Variants in DST observed in about 807,000 individuals in gnomAD.
DST encodes bullous pemphigoid antigen.
DST carries 253 observed loss-of-function variants against 875.2 expected under a neutral mutation model. The observed-to-expected ratio is 0.29, with a 90% CI of 0.26 to 0.32. The LOEUF is 0.32. Among genes scored for constraint, DST ranks in the 10% least tolerant of loss-of-function variants. DST has a pLI of 1.00. For synonymous variants in DST, 3,124 were observed against 3,197.1 expected (o/e 0.98, Z 0.77); for missense variants, 8,287 against 9,111.6 (o/e 0.91, Z 3.68).
At chr6:56,699,580 C>A in intron 9 of DST, 73 bp downstream of exon 9, 1 of 671,690 alleles carries the variant, frequency 1.5e-6, no homozygotes, top group African/African-American at 1.9e-5. Flanking sequence ...AACATGAATG[C>A]ATCATTCACC....
intron 7 of DST, among the ~76,000 whole-genome samples, chr6:56,702,415 A>T (rs1393198377): frequency 1.3e-5 from 2 of 152,120 alleles, no homozygotes; most frequent in East Asian, 1.9e-4. Flanking sequence ...ATATATATAC[A>T]TATGGCATAT....
intron 4 of DST, among the ~76,000 whole-genome samples, chr6:56,819,910 T>C (rs1591125996): frequency 1.3e-5 from 2 of 152,238 alleles, no homozygotes; most frequent in South Asian, 4.1e-4. Context: ...ATATTAAGGA[T>C]AGTAACATTT....
intron 58 of DST, among the ~76,000 whole-genome samples, chr6:56,558,639 C>G (rs974641016): frequency 2.6e-5 from 4 of 152,098 alleles, no homozygotes; most frequent in Non-Finnish European, 5.9e-5. Flanking sequence ...AAAAATGTCA[C>G]TTTTAAAACT....
At chr6:56,502,241 A>T (rs1296627309) in intron 78 of DST, among the ~76,000 whole-genome samples, 1 of 152,128 alleles carries the variant, frequency 6.6e-6, no homozygotes, top group Non-Finnish European at 1.5e-5. Flanking sequence ...TAAGTCACTG[A>T]CATAGTTAAT....
At chr6:56,934,578 ATATATATATATC>A (rs933074320) in intron 2 of DST, among the ~76,000 whole-genome samples, 2 of 139,206 alleles carry the variant, frequency 1.4e-5, no homozygotes, top group Non-Finnish European at 3.1e-5. Context: ...ATATATATAT[ATATATATATATC>A]GTGAGAGAGA....
intron 13 of DST, among the ~76,000 whole-genome samples, chr6:56,647,630 A>G (rs1188169012): frequency 1.3e-5 from 2 of 152,032 alleles, no homozygotes; most frequent in African/African-American, 4.8e-5. Context: ...AACCAAATAT[A>G]CAAATGAGAC....
In DST at chr6:56,529,754, G is replaced by T. The variant is rs1460201714; in HGVS notation, c.17289C>A (p.Ile5763=). Residue 5763 remains isoleucine (I), a synonymous_variant, in exon 66 of 104, where the codon ATC becomes ATA. Coordinates refer to ENST00000680361, the MANE Select transcript of DST (RefSeq NM_001374736.1). ...CCTGGTGTAAATGTTTATTGTGATTGATGATGTCATCTTCTAAGGCCTAAG... is the reference window on the plus strand; with the variant it reads ...CCTGGTGTAAATGTTTATTGTGATTTATGATGTCATCTTCTAAGGCCTAAG... ...AQHKALEDDI[I]NHNKHLHQAV... 1.3e-6 allele frequency: 2 copies of T among 1,585,648 alleles called. 1 individual carries two copies. The highest frequency in any genetic ancestry group is 2.7e-5 in the African/African-American group (2 of 73,826).
intron 4 of DST, among the ~76,000 whole-genome samples, chr6:56,744,206 G>A (rs1242016961): frequency 2.0e-5 from 3 of 150,730 alleles, no homozygotes; most frequent in Non-Finnish European, 4.4e-5. Context: ...GGAATCCACA[G>A]AAGATGGAAT....
In DST at chr6:56,529,643, T is replaced by C; in HGVS notation, c.17400A>G (p.Val5800=). Residue 5800 remains valine, a synonymous_variant, in exon 66 of 104, where the codon GTA becomes GTG. Coordinates refer to ENST00000680361, the MANE Select transcript of DST (RefSeq NM_001374736.1). ...MVQSKLDFSQ[V]WYIEIQEKSH... ...TTTTCTCTTGAATCTCAATGTACCA[T>C]ACTTGAGAGAAGTCTAATTTACTCT... The C allele has an allele frequency of 6.2e-7, 1 of 1,613,798 alleles. No individual in the cohort carries two copies. Among genetic ancestry groups the C allele is most frequent in the Non-Finnish European group, 8.5e-7 (1 of 1,179,744 alleles).
chr6:56,490,760 C>T (rs568072662), intron 85 of DST, among the ~76,000 whole-genome samples: 1 of 152,088 alleles, frequency 6.6e-6, no homozygotes, highest in Non-Finnish European at 1.5e-5. Flanking sequence ...CCAAATAATA[C>T]AGGCTATAAC....
intron 3 of DST, among the ~76,000 whole-genome samples, chr6:56,886,449 A>G (rs1023981017): frequency 5.9e-5 from 9 of 152,218 alleles, no homozygotes; most frequent in African/African-American, 2.2e-4. Context: ...ATGAAGTGCT[A>G]CTTAACTACG....
intron 9 of DST, 45 bp from the exon 10 acceptor site, chr6:56,670,852 T>A: frequency 8.3e-6 from 11 of 1,324,636 alleles, no homozygotes; most frequent in Non-Finnish European, 1.0e-5. Flanking sequence ...GGAAGGAAGC[T>A]AACTCAGATT....
At chr6:56,775,837 G>C (rs1018118792) in intron 4 of DST, among the ~76,000 whole-genome samples, 2 of 152,194 alleles carry the variant, frequency 1.3e-5, no homozygotes, top group African/African-American at 4.8e-5. Flanking sequence ...TCAAGTGACT[G>C]AATGAATTAA....
intron 56 of DST, 139 bp from the exon 57 acceptor site, chr6:56,561,688 T>C: frequency 6.7e-6 from 5 of 748,704 alleles, no homozygotes; most frequent in Non-Finnish European, 8.1e-6. Context: ...AGTCATAAGC[T>C]TTTCAGAAAT....
intron 50 of DST, among the ~76,000 whole-genome samples, chr6:56,574,832 T>C (rs1489382003): frequency 6.6e-6 from 1 of 152,186 alleles, no homozygotes; most frequent in African/African-American, 2.4e-5. Context: ...TGAAAAATAT[T>C]TTAATTATTT....
intron 4 of DST, among the ~76,000 whole-genome samples, chr6:56,825,970 A>G (rs1003305101): frequency 6.6e-6 from 1 of 152,244 alleles, no homozygotes; most frequent in Non-Finnish European, 1.5e-5. Context: ...GCACTCAATA[A>G]CACTATATAT....
intron 5 of DST, among the ~76,000 whole-genome samples, chr6:56,710,898 G>A (rs761948940): frequency 1.3e-5 from 2 of 152,046 alleles, no homozygotes; most frequent in East Asian, 3.9e-4. Flanking sequence ...AAGGTACTAC[G>A]TTAAGTCAAC....
intron 12 of DST, 127 bp from the exon 13 acceptor site, chr6:56,648,816 T>G: frequency 3.7e-6 from 3 of 800,120 alleles, no homozygotes. Flanking sequence ...ACCAGCTAAA[T>G]GTTTTCTTAC....
intron 10 of DST, among the ~76,000 whole-genome samples, chr6:56,652,135 G>C (rs552459205): frequency 6.6e-6 from 1 of 152,264 alleles, no homozygotes; most frequent in East Asian, 1.9e-4. Context: ...ACACATCCCA[G>C]ACTTCATATC....
Sources: gnomAD v4.1 joint callset for allele counts (sites outside exome capture counted in the v4.1 genomes callset) on GRCh38, gnomAD v4.1.1 for gene constraint, MANE v1.5 for transcripts, NCBI Gene and HGNC (gene_info 2026-07-23, HGNC 2026-07-21) for gene names.